TEX2: variants seen among roughly 807,000 people sequenced by gnomAD.
The protein encoded by TEX2 is testis-expressed protein 2.
In TEX2, 53 loss-of-function variants were observed where a neutral mutation model predicts 106.9. The observed-to-expected ratio is 0.50, with a 90% confidence interval of 0.40 to 0.62. TEX2 has a LOEUF of 0.62. Ranked by LOEUF, TEX2 falls within the 20% of genes least tolerant of loss-of-function variation. The pLI is 0.00. For synonymous variants in TEX2, 523 were observed against 534.8 expected, an observed-to-expected ratio of 0.98 and a Z score of 0.30; for missense variants, 1,207 against 1,379.0, an observed-to-expected ratio of 0.88 and a Z score of 1.98.
Position 64,188,217 on chromosome 17 carries a change from TG to T in TEX2, c.2374del (p.Gln792ArgfsTer33). ...RCVPQESRSP[Q>X]RSPLQSAESS... ...CTCCGCACTCTGCAGGGGGCTCCTC[TG>T]GGGGCTTCGGCTTTCCTGGGGGACA... On this transcript the variant is annotated frameshift_variant, in exon 5 of 12. Coordinates refer to ENST00000584379, the MANE Select transcript of TEX2 (RefSeq NM_001288732.2). LOFTEE classifies it high-confidence loss of function. The T allele has an allele frequency of 1.2e-6, 2 of 1,612,884 alleles. No individual in the cohort carries two copies. The highest frequency in any genetic ancestry group is 8.5e-7 in the Non-Finnish European group (1 of 1,180,038).
intron 5 of TEX2, among the ~76,000 whole-genome samples, chr17:64,179,851 G>C (rs1350098327): frequency 6.6e-6 from 1 of 152,078 alleles, no homozygotes; most frequent in Non-Finnish European, 1.5e-5. Context: ...CTTCTTAATG[G>C]ACATGGATTA....
At chr17:64,178,418 G>C (rs2031701376) in intron 5 of TEX2, among the ~76,000 whole-genome samples, 1 of 152,138 alleles carries the variant, frequency 6.6e-6, no homozygotes, top group East Asian at 1.9e-4. Context: ...CAGCCCTATG[G>C]GCACATTCCT....
At chr17:64,250,426 GC>G (rs1271687541) in intron 1 of TEX2, among the ~76,000 whole-genome samples, 5 of 152,176 alleles carry the variant, frequency 3.3e-5, no homozygotes, top group Admixed American at 6.5e-5. Flanking sequence ...CCTCTGGATG[GC>G]TTTTCCTCAT....
chr17:64,183,654 C>T (rs2031967611), intron 5 of TEX2, among the ~76,000 whole-genome samples: 1 of 152,216 alleles, frequency 6.6e-6, no homozygotes, highest in African/African-American at 2.4e-5. Context: ...CCTCAAACTC[C>T]TGAGCTCAGG....
chr17:64,188,053 G>T, intron 5 of TEX2, 115 bp downstream of exon 5: 1 of 1,251,508 alleles, frequency 8.0e-7, no homozygotes, highest in Non-Finnish European at 1.1e-6. Context: ...GTCCTTCTCT[G>T]TCTTGTGTAC....
intron 1 of TEX2, among the ~76,000 whole-genome samples, chr17:64,254,921 G>C (rs1555637462): frequency 6.6e-6 from 1 of 152,000 alleles, no homozygotes; most frequent in African/African-American, 2.4e-5. Flanking sequence ...TGGTGCAGTG[G>C]TGCCATCATG....
At chr17:64,199,528 C>A (rs782818123) in intron 2 of TEX2, among the ~76,000 whole-genome samples, 1 of 152,102 alleles carries the variant, frequency 6.6e-6, no homozygotes, top group Non-Finnish European at 1.5e-5. Flanking sequence ...TGAGCCACTG[C>A]GCCTTGCTGA....
intron 1 of TEX2, among the ~76,000 whole-genome samples, chr17:64,224,708 A>C (rs1598202778): frequency 6.6e-6 from 1 of 151,990 alleles, no homozygotes; most frequent in Admixed American, 6.6e-5. Context: ...ACTCCCTTCC[A>C]CCACCGCATA....
intron 5 of TEX2, among the ~76,000 whole-genome samples, chr17:64,179,990 G>GT (rs1163040000): frequency 1.3e-5 from 2 of 152,272 alleles, no homozygotes; most frequent in South Asian, 2.1e-4. Context: ...AACTTGCACT[G>GT]TTTTTTTGAA....
intron 1 of TEX2, among the ~76,000 whole-genome samples, chr17:64,223,023 C>G (rs992955821): frequency 6.6e-6 from 1 of 152,112 alleles, no homozygotes; most frequent in Non-Finnish European, 1.5e-5. Context: ...ACTGAGAAAG[C>G]CTCTAATAAG....
intron 7 of TEX2, among the ~76,000 whole-genome samples, chr17:64,164,529 C>T (rs2031037751): frequency 6.6e-6 from 1 of 152,114 alleles, no homozygotes; most frequent in Non-Finnish European, 1.5e-5. Context: ...AGCTCAGATG[C>T]TGTTTTTCCA....
chr17:64,225,714 T>G (rs1347581342), intron 1 of TEX2, among the ~76,000 whole-genome samples: 1 of 152,088 alleles, frequency 6.6e-6, no homozygotes. Context: ...TTTCTTTTTT[T>G]TTGTTTGTTT....
Position 64,155,240 on chromosome 17 carries a change from G to C in TEX2, c.2805-273C>G, listed in dbSNP as rs182124252. The C allele has an allele frequency of 1.1e-3, 354 of 335,534 alleles. 2 individuals carry two copies. The highest frequency in any genetic ancestry group is 6.5e-3 in the African/African-American group (310 of 47,378). The allele number at this position is 335,534 out of a possible 1,614,324, so 20.8% of individuals were successfully genotyped here. ...CCCAGAAGAGGTTGCTTTTGAGCAT[G>C]CGTCAGAAGGACAGGAGGTGGGAGT... On this transcript the variant is annotated intron_variant, in intron 8 of 11. Coordinates refer to ENST00000584379, the MANE Select transcript of TEX2 (RefSeq NM_001288732.2).
intron 4 of TEX2, 120 bp downstream of exon 4, chr17:64,193,439 C>T: frequency 1.3e-6 from 1 of 771,186 alleles, no homozygotes; most frequent in South Asian, 3.5e-5. Flanking sequence ...CATTAGGTGG[C>T]AGACAACCAT....
At chr17:64,250,341 T>C (rs546330957) in intron 1 of TEX2, among the ~76,000 whole-genome samples, 2 of 152,358 alleles carry the variant, frequency 1.3e-5, no homozygotes, top group East Asian at 3.9e-4. Context: ...GCAACTTTAG[T>C]GAGCAGGTGC....
chr17:64,177,060 A>G (rs2031644906), intron 6 of TEX2, among the ~76,000 whole-genome samples: 1 of 152,206 alleles, frequency 6.6e-6, no homozygotes, highest in African/African-American at 2.4e-5. Context: ...ATTTTCCCAA[A>G]CTAAATTCTG....
intron 1 of TEX2, among the ~76,000 whole-genome samples, chr17:64,228,458 G>C (rs969302872): frequency 4.6e-5 from 7 of 152,174 alleles, no homozygotes; most frequent in African/African-American, 1.7e-4. Context: ...TGGGGGTGCT[G>C]GGAGACAGTG....
intron 5 of TEX2, among the ~76,000 whole-genome samples, chr17:64,183,485 G>A (rs568362180): frequency 9.2e-5 from 14 of 152,170 alleles, no homozygotes; most frequent in South Asian, 2.1e-4. Flanking sequence ...GGAGTGAAGC[G>A]GCATGATTTT....
intron 1 of TEX2, among the ~76,000 whole-genome samples, chr17:64,243,536 G>C (rs2033931076): frequency 6.6e-6 from 1 of 152,168 alleles, no homozygotes; most frequent in Admixed American, 6.5e-5. Context: ...ATGAGGCCTG[G>C]CTGGCAGGTT....
Sources: gnomAD v4.1 joint callset for allele counts (sites outside exome capture counted in the v4.1 genomes callset) on GRCh38, gnomAD v4.1.1 for gene constraint, MANE v1.5 for transcripts, NCBI Gene and HGNC (gene_info 2026-07-23, HGNC 2026-07-21) for gene names.